Variants in SYN3 observed in about 807,000 individuals in gnomAD.
SYN3 encodes the protein synapsin-3.
In SYN3, 35 loss-of-function variants were observed where a neutral mutation model predicts 65.8. The ratio of observed to expected loss-of-function variants is 0.53; its 90% CI spans 0.41 to 0.70. The LOEUF is 0.70. Ranked by LOEUF, SYN3 falls within the 30% of genes least tolerant of loss-of-function variation. The pLI is 0.00. For missense variants in SYN3, 680 were observed against 749.0 expected, an observed-to-expected ratio of 0.91 and a Z score of 1.08; for synonymous variants, 270 against 292.9, an observed-to-expected ratio of 0.92 and a Z score of 0.80.
chr22:32,813,370 G>A (rs901445397), intron 6 of SYN3, among the ~76,000 whole-genome samples: 9 of 152,152 alleles, frequency 5.9e-5, no homozygotes, highest in Middle Eastern at 3.4e-3. Context: ...CCTTCTGGAG[G>A]GGACAGCTGC....
At chr22:32,586,032 ATATATG>A (rs1234130503) in intron 7 of SYN3, among the ~76,000 whole-genome samples, 2 of 102,100 alleles carry the variant, frequency 2.0e-5, no homozygotes, top group Non-Finnish European at 3.7e-5. Context: ...GTATGTATGT[ATATATG>A]TATATGTATA....
intron 3 of SYN3, among the ~76,000 whole-genome samples, chr22:32,959,884 C>T (rs1377328094): frequency 6.6e-6 from 1 of 152,228 alleles, no homozygotes; most frequent in Non-Finnish European, 1.5e-5. Flanking sequence ...CGTGAGCCAC[C>T]ATGCCCAACT....
intron 1 of SYN3, among the ~76,000 whole-genome samples, chr22:33,012,983 C>T (rs1024746577): frequency 1.5e-4 from 23 of 152,204 alleles, no homozygotes; most frequent in African/African-American, 5.3e-4. Context: ...TTATCATTAT[C>T]ATCTGTGAGA....
chr22:32,885,771 G>C (rs572223341), intron 4 of SYN3, among the ~76,000 whole-genome samples: 6 of 152,184 alleles, frequency 3.9e-5, no homozygotes, highest in African/African-American at 1.4e-4. Flanking sequence ...ATGTTGGCTG[G>C]GCTGGTCTGG....
At chr22:33,025,402 C>T (rs892974627) in intron 1 of SYN3, among the ~76,000 whole-genome samples, 7 of 141,022 alleles carry the variant, frequency 5.0e-5, no homozygotes, top group Non-Finnish European at 9.0e-5. Flanking sequence ...TGCGCCACTG[C>T]ACTCCAGGGT....
intron 2 of SYN3, among the ~76,000 whole-genome samples, chr22:32,997,283 C>G (rs534733091): frequency 6.6e-6 from 1 of 152,296 alleles, no homozygotes; most frequent in Admixed American, 6.5e-5. Context: ...GGTCAGGGGA[C>G]GTGCACAGAT....
At chr22:33,026,933 G>A (rs981650083) in intron 1 of SYN3, among the ~76,000 whole-genome samples, 9 of 152,158 alleles carry the variant, frequency 5.9e-5, no homozygotes, top group Admixed American at 2.6e-4. Context: ...CCAGAGGCTC[G>A]TTCTTGGGAA....
chr22:32,788,889 C>G (rs997086670), intron 6 of SYN3, among the ~76,000 whole-genome samples: 7 of 152,180 alleles, frequency 4.6e-5, no homozygotes, highest in Admixed American at 3.9e-4. Context: ...TTGGTGCACC[C>G]ACCTGCCTGG....
intron 11 of SYN3, among the ~76,000 whole-genome samples, chr22:32,528,531 G>A (rs567427761): frequency 5.3e-5 from 8 of 152,284 alleles, no homozygotes; most frequent in Non-Finnish European, 1.2e-4. Flanking sequence ...ATATGCTCTC[G>A]CACACGCACG....
At chr22:33,022,995 T>C (rs943081646) in intron 1 of SYN3, among the ~76,000 whole-genome samples, 9 of 152,108 alleles carry the variant, frequency 5.9e-5, no homozygotes, top group African/African-American at 2.2e-4. Context: ...AGCTTTGAAT[T>C]ATCTAATAAT....
chr22:32,671,325 CAT>C, intron 6 of SYN3, among the ~76,000 whole-genome samples: 1 of 151,992 alleles, frequency 6.6e-6, no homozygotes, highest in Non-Finnish European at 1.5e-5. Flanking sequence ...CCTCCTGTCA[CAT>C]ACACACACCC....
intron 6 of SYN3, among the ~76,000 whole-genome samples, chr22:32,626,808 G>A (rs755399397): frequency 1.3e-5 from 2 of 152,216 alleles, no homozygotes; most frequent in Admixed American, 6.5e-5. Flanking sequence ...CAAAGCTGTC[G>A]TTTTATCTTC....
intron 6 of SYN3, among the ~76,000 whole-genome samples, chr22:32,823,752 G>A (rs2047321709): frequency 1.3e-5 from 2 of 152,038 alleles, no homozygotes; most frequent in Admixed American, 1.3e-4. Context: ...GACTTGGAGT[G>A]AAAAGACGTG....
chr22:32,938,552 G>T (rs1260987231), intron 3 of SYN3, among the ~76,000 whole-genome samples: 1 of 149,994 alleles, frequency 6.7e-6, no homozygotes, highest in Non-Finnish European at 1.5e-5. Flanking sequence ...AAAAGAAAAA[G>T]AAAAAGGAAA....
intron 6 of SYN3, among the ~76,000 whole-genome samples, chr22:32,773,019 C>T (rs562014173): frequency 1.3e-5 from 2 of 152,298 alleles, no homozygotes; most frequent in African/African-American, 2.4e-5. Context: ...AACTACTCAA[C>T]TCTGATGTTG....
chr22:32,813,767 T>C (rs911324516), intron 6 of SYN3, among the ~76,000 whole-genome samples: 13 of 152,114 alleles, frequency 8.5e-5, no homozygotes, highest in African/African-American at 2.9e-4. Flanking sequence ...GCCTCGTTCA[T>C]GGCTAGTTGC....
chr22:32,854,660 AG>A (rs2048313993), intron 6 of SYN3, among the ~76,000 whole-genome samples: 1 of 152,148 alleles, frequency 6.6e-6, no homozygotes, highest in Non-Finnish European at 1.5e-5. Context: ...AAGGCTAGAG[AG>A]GCACCATTCA....
intron 6 of SYN3, among the ~76,000 whole-genome samples, chr22:32,757,976 C>G (rs1261704330): frequency 6.6e-6 from 1 of 152,218 alleles, no homozygotes; most frequent in African/African-American, 2.4e-5. Context: ...TGACCAGCTG[C>G]AGAAACGAGG....
At chr22:32,861,934 C>T (rs561663856) in intron 6 of SYN3, 1 of 152,580 alleles carries the variant, frequency 6.6e-6, no homozygotes, top group Non-Finnish European at 1.5e-5. Flanking sequence ...AAAAATGAAA[C>T]CCACATGCCG....
Sources: allele counts gnomAD v4.1 joint callset (sites outside exome capture counted in the v4.1 genomes callset), GRCh38; gene constraint gnomAD v4.1.1; transcripts MANE v1.5; gene names NCBI Gene and HGNC (gene_info 2026-07-23, HGNC 2026-07-21).